ARAP2: variants seen among roughly 807,000 people sequenced by gnomAD.
ARAP2 encodes arf-GAP with Rho-GAP domain, ANK repeat and PH domain-containing protein 2.
A neutral mutation model predicts 194.5 loss-of-function variants in ARAP2; 148 were observed. That is an observed-to-expected ratio of 0.76 (90% CI 0.67 to 0.87). The LOEUF (loss-of-function observed/expected upper bound fraction) is 0.87, where lower values mean the gene tolerates loss of function less well. Among genes scored for constraint, ARAP2 ranks in the 40% least tolerant of loss-of-function variants. The pLI is 0.00. For synonymous variants in ARAP2, 695 were observed against 683.5 expected, an observed-to-expected ratio of 1.02 and a Z score of -0.26; for missense variants, 2,128 against 1,989.7, an observed-to-expected ratio of 1.07 and a Z score of -1.32.
rs1351342252 is a variant in ARAP2 at position 36,073,669 on chromosome 4, CA to C, written c.4743+19del. Reference sequence around the variant, plus strand: ...ATATATTCTATAATTGAATATAAAACAAACAAAATCCTAACCTACCTCAATA... The same window carrying C: ...ATATATTCTATAATTGAATATAAAACAACAAAATCCTAACCTACCTCAATA... On this transcript the variant is annotated intron_variant, in intron 32 of 32. Coordinates refer to ENST00000303965, the MANE Select transcript of ARAP2 (RefSeq NM_015230.4). 2.5e-6 allele frequency: 4 copies of C among 1,606,236 alleles called. No individual in the cohort carries two copies. The Admixed American group carries it at 6.7e-5, about 27-fold the overall frequency.
At chr4:36,081,711 T>C (rs1399122523) in intron 30 of ARAP2, among the ~76,000 whole-genome samples, 2 of 150,060 alleles carry the variant, frequency 1.3e-5, no homozygotes, top group African/African-American at 2.5e-5. Flanking sequence ...GGCAGATCAA[T>C]GAAGGCCAGG....
intron 26 of ARAP2, 144 bp downstream of exon 26, chr4:36,114,026 C>T (rs1045187844): frequency 2.0e-5 from 13 of 649,532 alleles, no homozygotes; most frequent in Non-Finnish European, 2.9e-5. Context: ...AAAAAGGCAA[C>T]CTCAAACATA....
chr4:36,110,862 TC>T (rs1719786129), intron 26 of ARAP2, among the ~76,000 whole-genome samples: 1 of 151,936 alleles, frequency 6.6e-6, no homozygotes, highest in Non-Finnish European at 1.5e-5. Flanking sequence ...AGCTGCCACA[TC>T]CATGGTGATT....
chr4:36,211,385 T>TA (rs1746736399), intron 5 of ARAP2, among the ~76,000 whole-genome samples: 1 of 152,176 alleles, frequency 6.6e-6, no homozygotes, highest in African/African-American at 2.4e-5. Flanking sequence ...TCATAATAGC[T>TA]AAGCATATTT....
chr4:36,149,761 T>C (rs914163596), intron 16 of ARAP2, among the ~76,000 whole-genome samples: 1 of 152,146 alleles, frequency 6.6e-6, no homozygotes, highest in Admixed American at 6.6e-5. Flanking sequence ...CAATTAATAA[T>C]CAGTTTTGTT....
chr4:36,095,588 TAGCTCCTTTAA>T (rs1714938347), intron 27 of ARAP2, among the ~76,000 whole-genome samples: 1 of 152,126 alleles, frequency 6.6e-6, no homozygotes, highest in East Asian at 1.9e-4. Flanking sequence ...TAAAAAAGGG[TAGCTCCTTTAA>T]CAGCAATTGT....
chr4:36,035,526 G>C (rs1436031892), intron 5 of ARAP2, among the ~76,000 whole-genome samples: 2 of 152,010 alleles, frequency 1.3e-5, no homozygotes, highest in Non-Finnish European at 2.9e-5. Context: ...TTGGATATAT[G>C]CCTAGTAATA....
chr4:36,010,731 C>T (rs1035117206), intron 9 of ARAP2, among the ~76,000 whole-genome samples: 11 of 152,084 alleles, frequency 7.2e-5, no homozygotes, highest in Non-Finnish European at 1.0e-4. Context: ...CCTTCCCCCT[C>T]GCCTCTAAGA....
chr4:36,226,591 A>G (rs1225152090), intron 2 of ARAP2, among the ~76,000 whole-genome samples: 3 of 151,968 alleles, frequency 2.0e-5, no homozygotes, highest in Non-Finnish European at 4.4e-5. Flanking sequence ...CACTCTAACT[A>G]CTTATTTGGA....
intron 15 of ARAP2, among the ~76,000 whole-genome samples, chr4:36,151,403 A>G (rs573139267): frequency 6.6e-6 from 1 of 152,330 alleles, no homozygotes; most frequent in African/African-American, 2.4e-5. Context: ...GTGAGACTGC[A>G]GCTTGTGGTA....
intron 27 of ARAP2, among the ~76,000 whole-genome samples, chr4:36,105,800 A>T (rs1360830298): frequency 6.6e-6 from 1 of 151,918 alleles, no homozygotes; most frequent in Admixed American, 6.6e-5. Context: ...CACTTATAAC[A>T]TAGCCTTTTA....
At chr4:36,130,484 C>G (rs1205692047) in intron 20 of ARAP2, among the ~76,000 whole-genome samples, 2 of 151,810 alleles carry the variant, frequency 1.3e-5, no homozygotes, top group Non-Finnish European at 2.9e-5. Flanking sequence ...TCCCTATCCT[C>G]TTCTTCTAAC....
chr4:36,009,127 A>G (rs1188518881), intron 9 of ARAP2, among the ~76,000 whole-genome samples: 1 of 152,144 alleles, frequency 6.6e-6, no homozygotes, highest in African/African-American at 2.4e-5. Flanking sequence ...CACTGTGGAG[A>G]GCAGTTTGGA....
chr4:36,109,036 C>G (rs1719162795), intron 26 of ARAP2, among the ~76,000 whole-genome samples: 1 of 151,896 alleles, frequency 6.6e-6, no homozygotes, highest in Non-Finnish European at 1.5e-5. Flanking sequence ...CTTGTATGAT[C>G]CATCATAATG....
At chr4:36,040,880 T>C (rs745337586) in intron 5 of ARAP2, among the ~76,000 whole-genome samples, 24 of 152,188 alleles carry the variant, frequency 1.6e-4, no homozygotes, top group Non-Finnish European at 2.6e-4. Context: ...CTATGTTGTA[T>C]AGGAGTGAAG....
intron 10 of ARAP2, 71 bp from the exon 11 acceptor site, chr4:36,165,184 C>T: frequency 6.9e-7 from 1 of 1,451,572 alleles, no homozygotes; most frequent in Non-Finnish European, 9.6e-7. Context: ...GTTCAGTTTG[C>T]ATATTCATTT....
At chr4:36,106,606 C>T (rs1230015622) in intron 27 of ARAP2, among the ~76,000 whole-genome samples, 2 of 151,832 alleles carry the variant, frequency 1.3e-5, no homozygotes, top group Non-Finnish European at 2.9e-5. Context: ...AGAGCTGTAC[C>T]ATCCTCCCCA....
chr4:36,106,842 T>C (rs1478400064), intron 27 of ARAP2, among the ~76,000 whole-genome samples: 1 of 151,974 alleles, frequency 6.6e-6, no homozygotes, highest in Admixed American at 6.6e-5. Context: ...ATAATAATGG[T>C]TATTATTTAT....
intron 5 of ARAP2, among the ~76,000 whole-genome samples, chr4:36,030,690 TA>T (rs779949011): frequency 3.9e-5 from 6 of 152,156 alleles, no homozygotes; most frequent in Non-Finnish European, 8.8e-5. Flanking sequence ...TAATTGAATC[TA>T]TTCTACTTTT....
Sources: gnomAD v4.1 joint callset for allele counts (sites outside exome capture counted in the v4.1 genomes callset) on GRCh38, gnomAD v4.1.1 for gene constraint, MANE v1.5 for transcripts, NCBI Gene and HGNC (gene_info 2026-07-23, HGNC 2026-07-21) for gene names.